Variants in PDE1C observed in about 807,000 individuals in gnomAD.
PDE1C encodes phosphodiesterase 1C, also known as dual specificity calcium/calmodulin-dependent 3',5'-cyclic nucleotide phosphodiesterase 1C.
Under a neutral mutation model 93.1 loss-of-function variants are expected in PDE1C, and 62 were observed. The ratio of observed to expected loss-of-function variants is 0.67; its 90% CI spans 0.54 to 0.82. The LOEUF (loss-of-function observed/expected upper bound fraction) is 0.82. Among genes scored for constraint, PDE1C ranks in the 40% least tolerant of loss-of-function variants. PDE1C has a pLI of 0.00. For synonymous variants in PDE1C, 325 were observed against 310.1 expected, an observed-to-expected ratio of 1.05 and a Z score of -0.50; for missense variants, 742 against 884.6, an observed-to-expected ratio of 0.84 and a Z score of 2.04.
intron 16 of PDE1C, among the ~76,000 whole-genome samples, chr7:31,797,324 T>C (rs1019706725): frequency 2.6e-5 from 4 of 151,768 alleles, no homozygotes; most frequent in Admixed American, 2.6e-4. Context: ...CTACTTTTTG[T>C]CACTACATAG....
chr7:32,019,732 T>C (rs1788395106), intron 2 of PDE1C, among the ~76,000 whole-genome samples: 1 of 152,004 alleles, frequency 6.6e-6, no homozygotes. Flanking sequence ...TGATTGACTG[T>C]ATATAGGATA....
At chr7:31,651,195 G>C in the PDE1C span, 3 of 1,613,540 alleles carry the variant, frequency 1.9e-6, no homozygotes, top group African/African-American at 4.0e-5. Context: ...GTTTCCGGGA[G>C]TATTTAGAAG....
At chr7:31,672,883 G>T in the PDE1C span, among the ~76,000 whole-genome samples, 1 of 152,140 alleles carries the variant, frequency 6.6e-6, no homozygotes. Context: ...GATCATAGGG[G>T]AGCATTTTCC....
At chr7:32,125,743 C>T (rs957770022) in intron 3 of PDE1C, among the ~76,000 whole-genome samples, 10 of 151,068 alleles carry the variant, frequency 6.6e-5, no homozygotes, top group Admixed American at 5.9e-4. Flanking sequence ...GGGGAGGGAA[C>T]TTAGAGGATG....
At chr7:32,163,769 G>C (rs1316168912) in intron 3 of PDE1C, among the ~76,000 whole-genome samples, 1 of 152,198 alleles carries the variant, frequency 6.6e-6, no homozygotes, top group Non-Finnish European at 1.5e-5. Context: ...CAGGCCCACA[G>C]CCAGCATCAC....
chr7:32,299,327 G>A, exon 1 of PDE1C: 1 of 985,590 alleles, frequency 1.0e-6, no homozygotes, highest in Admixed American at 6.1e-5. Flanking sequence ...AAACAAGGAA[G>A]TCGGGAAAAT....
chr7:31,735,398 C>CA, the PDE1C span, among the ~76,000 whole-genome samples: 6 of 142,902 alleles, frequency 4.2e-5, no homozygotes, highest in African/African-American at 1.3e-4. Flanking sequence ...AACTCTGTCT[C>CA]AAAAAAAAAA....
At chr7:31,859,004 GA>G (rs977714341) in intron 7 of PDE1C, among the ~76,000 whole-genome samples, 14 of 150,832 alleles carry the variant, frequency 9.3e-5, no homozygotes, top group African/African-American at 2.7e-4. Context: ...TTACAGTAGT[GA>G]AAAAAAATTT....
At chr7:31,679,716 C>T in the PDE1C span, among the ~76,000 whole-genome samples, 1 of 152,290 alleles carries the variant, frequency 6.6e-6, no homozygotes, top group Admixed American at 6.5e-5. Context: ...ATAAACGGTG[C>T]GTTGTGTCTG....
intron 1 of PDE1C, among the ~76,000 whole-genome samples, chr7:32,281,376 T>C (rs1483439615): frequency 1.3e-5 from 2 of 152,182 alleles, no homozygotes; most frequent in Admixed American, 1.3e-4. Flanking sequence ...AAAGGCTGAA[T>C]AGCCTTAATT....
chr7:32,133,017 A>C (rs1800005853), intron 3 of PDE1C, among the ~76,000 whole-genome samples: 1 of 152,198 alleles, frequency 6.6e-6, no homozygotes, highest in African/African-American at 2.4e-5. Context: ...AAAAATTATA[A>C]GTTCTGGTTT....
chr7:31,973,087 G>A (rs1393056499), intron 2 of PDE1C, among the ~76,000 whole-genome samples: 1 of 152,104 alleles, frequency 6.6e-6, no homozygotes, highest in Non-Finnish European at 1.5e-5. Context: ...TGGAAATTAT[G>A]AGACTTAAAA....
chr7:32,092,904 A>G (rs74979122), intron 3 of PDE1C, among the ~76,000 whole-genome samples: 2,144 of 152,308 alleles, frequency 0.014, 61 homozygotes, highest in African/African-American at 0.049. Context: ...GAAAGTTTAG[A>G]AAGGCAAGCA....
chr7:31,664,198 A>G, the PDE1C span, among the ~76,000 whole-genome samples: 6,755 of 152,134 alleles, frequency 0.044, 489 homozygotes, highest in African/African-American at 0.15. Context: ...CAGACATTCC[A>G]ATTACAGGTG....
chr7:32,353,791 T>G (rs1158208252), intron 1 of PDE1C, among the ~76,000 whole-genome samples: 2 of 152,188 alleles, frequency 1.3e-5, no homozygotes, highest in Non-Finnish European at 2.9e-5. Flanking sequence ...ATTTTTCTCT[T>G]TTTCATATTT....
chr7:32,113,026 T>C (rs1045778847), intron 3 of PDE1C, among the ~76,000 whole-genome samples: 1 of 149,456 alleles, frequency 6.7e-6, no homozygotes, highest in Non-Finnish European at 1.5e-5. Flanking sequence ...ATGAGGTAAG[T>C]ATAGCTCTGT....
At chr7:32,236,444 C>A (rs1274585013) in intron 1 of PDE1C, among the ~76,000 whole-genome samples, 3 of 151,994 alleles carry the variant, frequency 2.0e-5, no homozygotes, top group Admixed American at 2.0e-4. Context: ...ATAAAAAATT[C>A]TCAAAACTCA....
chr7:31,781,814 A>G (rs7459335), intron 16 of PDE1C, among the ~76,000 whole-genome samples: 122,795 of 151,800 alleles, frequency 0.81, 50,634 homozygotes, highest in Non-Finnish European at 0.89. Flanking sequence ...TACTAGGTTT[A>G]GTTTCGTGTG....
At chr7:32,012,695 T>C (rs920332446) in intron 2 of PDE1C, among the ~76,000 whole-genome samples, 1 of 152,212 alleles carries the variant, frequency 6.6e-6, no homozygotes, top group Non-Finnish European at 1.5e-5. Context: ...ATATAGTGAT[T>C]GCTTTGGTGT....
Sources: allele counts gnomAD v4.1 joint callset (sites outside exome capture counted in the v4.1 genomes callset), GRCh38; gene constraint gnomAD v4.1.1; transcripts MANE v1.5; gene names NCBI Gene and HGNC (gene_info 2026-07-23, HGNC 2026-07-21).